Variants in IL1RAPL2 observed in about 807,000 individuals in gnomAD.
IL1RAPL2 encodes the protein X-linked interleukin-1 receptor accessory protein-like 2.
Under a neutral mutation model 44.1 loss-of-function variants are expected in IL1RAPL2, and 3 were observed. The ratio of observed to expected loss-of-function variants is 0.07; its 90% CI spans 0.03 to 0.18. The LOEUF (loss-of-function observed/expected upper bound fraction) is 0.18, where lower values mean the gene tolerates loss of function less well. IL1RAPL2 is among the 10% of genes least tolerant of loss of function. The probability of loss-of-function intolerance (pLI) is 1.00; values close to 1 mark genes in which losing one functional copy is unlikely to be tolerated. For synonymous variants in IL1RAPL2, 181 were observed against 178.8 expected (o/e 1.01, Z -0.10); for missense variants, 391 against 496.4 (o/e 0.79, Z 2.02).
At chrX:105,717,660 G>C (rs1242513573) in intron 7 of IL1RAPL2, among the ~76,000 whole-genome samples, 164 bp downstream of exon 7, 1 of 111,798 alleles carries the variant, frequency 8.9e-6, no homozygotes, top group African/African-American at 3.3e-5. Context: ...AACATAAGTA[G>C]GTCTTTCTCC....
chrX:105,353,917 T>C (rs1157407416), intron 5 of IL1RAPL2, among the ~76,000 whole-genome samples: 2 of 111,176 alleles, frequency 1.8e-5, no homozygotes, highest in South Asian at 3.9e-4. Flanking sequence ...AATTGAATAC[T>C]CTTTATTTCC....
intron 6 of IL1RAPL2, among the ~76,000 whole-genome samples, chrX:105,632,147 A>C (rs1321938134): frequency 9.0e-6 from 1 of 110,655 alleles, no homozygotes; most frequent in East Asian, 2.9e-4. Flanking sequence ...TAAAGAAGAC[A>C]CCGGACCCTG....
At chrX:105,133,034 A>G (rs1276042881) in intron 2 of IL1RAPL2, among the ~76,000 whole-genome samples, 1 of 112,267 alleles carries the variant, frequency 8.9e-6, no homozygotes, top group Admixed American at 9.4e-5. Flanking sequence ...TTCACTGGCA[A>G]CAGTTGAGAT....
chrX:105,032,271 T>G (rs2031517453), intron 2 of IL1RAPL2, among the ~76,000 whole-genome samples: 1 of 108,296 alleles, frequency 9.2e-6, no homozygotes, highest in Non-Finnish European at 1.9e-5. Flanking sequence ...TCTGCTAGCT[T>G]TTGAATGTGT....
At chrX:105,640,994 G>A (rs1433615163) in intron 6 of IL1RAPL2, among the ~76,000 whole-genome samples, 2 of 108,930 alleles carry the variant, frequency 1.8e-5, no homozygotes, top group Non-Finnish European at 3.8e-5. Context: ...TGATGACTGA[G>A]TAAATATGGT....
chrX:104,838,224 C>A (rs1921795579), intron 2 of IL1RAPL2, among the ~76,000 whole-genome samples: 1 of 111,002 alleles, frequency 9.0e-6, no homozygotes, highest in African/African-American at 3.3e-5. Flanking sequence ...TTTTTTTGTT[C>A]CATATTAAAT....
At chrX:104,802,336 C>T (rs1283031683) in intron 2 of IL1RAPL2, among the ~76,000 whole-genome samples, 2 of 50,881 alleles carry the variant, frequency 3.9e-5, no homozygotes, top group Non-Finnish European at 6.8e-5. Flanking sequence ...CAGAACAAGA[C>T]TACATTTCAA....
chrX:104,997,707 G>C (rs1007512537), intron 2 of IL1RAPL2, among the ~76,000 whole-genome samples: 5 of 111,630 alleles, frequency 4.5e-5, no homozygotes, highest in Non-Finnish European at 7.5e-5. Context: ...TTATAGTTTG[G>C]CTCTAAGAAG....
At chrX:104,918,476 T>C (rs1386851167) in intron 2 of IL1RAPL2, among the ~76,000 whole-genome samples, 1 of 111,715 alleles carries the variant, frequency 9.0e-6, no homozygotes, top group Non-Finnish European at 1.9e-5. Flanking sequence ...GATGGACCAA[T>C]GGGGTTACAT....
At chrX:105,135,283 A>G (rs2033065960) in intron 2 of IL1RAPL2, among the ~76,000 whole-genome samples, 1 of 111,511 alleles carries the variant, frequency 9.0e-6, no homozygotes, top group Non-Finnish European at 1.9e-5. Context: ...TAGAGCAGCC[A>G]TTAAATGATC....
intron 1 of IL1RAPL2, among the ~76,000 whole-genome samples, chrX:104,632,804 C>T (rs187866818): frequency 9.2e-5 from 10 of 108,724 alleles, no homozygotes; most frequent in African/African-American, 3.0e-4. Flanking sequence ...AATTTGACTT[C>T]CTCTTTTCCT....
At chrX:105,099,631 T>C (rs757456263) in intron 2 of IL1RAPL2, among the ~76,000 whole-genome samples, 1 of 98,370 alleles carries the variant, frequency 1.0e-5, no homozygotes, top group African/African-American at 4.5e-5. Flanking sequence ...CGCCTGGCTA[T>C]TTTTTTTTGT....
chrX:104,835,868 C>T (rs1002266543), intron 2 of IL1RAPL2, among the ~76,000 whole-genome samples: 1 of 111,904 alleles, frequency 8.9e-6, no homozygotes, highest in African/African-American at 3.2e-5. Flanking sequence ...ATCTCGTCTT[C>T]TACAGCCAGA....
intron 2 of IL1RAPL2, among the ~76,000 whole-genome samples, chrX:104,908,011 G>T (rs12689661): frequency 0.43 from 46,879 of 109,256 alleles, 7,331 homozygotes; most frequent in East Asian, 0.46. Flanking sequence ...TATATATTTA[G>T]GATAGTTAGC....
intron 5 of IL1RAPL2, among the ~76,000 whole-genome samples, chrX:105,342,925 C>T (rs1054038666): frequency 1.8e-5 from 2 of 111,217 alleles, no homozygotes; most frequent in African/African-American, 6.5e-5. Context: ...ATAAGGAAGA[C>T]CTCATTTATT....
intron 3 of IL1RAPL2, among the ~76,000 whole-genome samples, chrX:105,227,606 C>T (rs1556191063): frequency 2.7e-5 from 3 of 111,725 alleles, no homozygotes; most frequent in African/African-American, 9.8e-5. Context: ...AACAGCATGA[C>T]ACATAGCAGG....
At chrX:104,697,667 T>C (rs1312007556) in intron 2 of IL1RAPL2, among the ~76,000 whole-genome samples, 1 of 110,861 alleles carries the variant, frequency 9.0e-6, no homozygotes, top group African/African-American at 3.3e-5. Context: ...TAGTCTAGGG[T>C]GAGATGCAGC....
chrX:104,809,215 AC>A (rs1932950237), intron 2 of IL1RAPL2, among the ~76,000 whole-genome samples: 3 of 111,497 alleles, frequency 2.7e-5, no homozygotes, highest in Non-Finnish European at 3.8e-5. Flanking sequence ...CTTAACATCA[AC>A]CTTAGCCACA....
chrX:104,588,686 A>G (rs1346633502), intron 1 of IL1RAPL2, among the ~76,000 whole-genome samples: 1 of 111,916 alleles, frequency 8.9e-6, no homozygotes, highest in Non-Finnish European at 1.9e-5. Flanking sequence ...TTAATGAAGG[A>G]TAGTCTCCTG....
Sources: gnomAD v4.1 joint callset for allele counts (sites outside exome capture counted in the v4.1 genomes callset) on GRCh38, gnomAD v4.1.1 for gene constraint, MANE v1.5 for transcripts, NCBI Gene and HGNC (gene_info 2026-07-23, HGNC 2026-07-21) for gene names.